The following C8orf34 variants were observed in gnomAD, a reference collection of about 807,000 sequenced individuals.
C8orf34 encodes the protein uncharacterized protein C8orf34.
In C8orf34, 65 loss-of-function variants were observed where a neutral mutation model predicts 68.3. The observed-to-expected ratio is 0.95, with a 90% CI of 0.78 to 1.17. The LOEUF (loss-of-function observed/expected upper bound fraction) is 1.17, where lower values mean the gene tolerates loss of function less well. Among genes scored for constraint, C8orf34 ranks in the 50% most tolerant of loss-of-function variants. C8orf34 has a pLI of 0.00. For synonymous variants in C8orf34, 244 were observed against 241.2 expected (o/e 1.01, Z -0.11); for missense variants, 664 against 655.4 (o/e 1.01, Z -0.14).
At chr8:68,525,953 T>C in intron 6 of C8orf34, 1 of 241,476 alleles carries the variant, frequency 4.1e-6, no homozygotes, top group Non-Finnish European at 7.7e-6. Flanking sequence ...AATTTCTTTC[T>C]TTCTTTTTTT....
intron 10 of C8orf34, among the ~76,000 whole-genome samples, chr8:68,772,412 C>G (rs576032067): frequency 2.0e-5 from 3 of 152,174 alleles, no homozygotes; most frequent in Non-Finnish European, 4.4e-5. Flanking sequence ...TCACTCTCTA[C>G]GATTTTCCAT....
chr8:68,560,977 A>ATTT (rs1197188539), intron 7 of C8orf34, among the ~76,000 whole-genome samples: 1 of 139,952 alleles, frequency 7.1e-6, no homozygotes, highest in Non-Finnish European at 1.6e-5. Flanking sequence ...TTTTAATTTA[A>ATTT]TTTTTTTTTT....
At chr8:68,350,713 G>T (rs1393500448) in intron 1 of C8orf34, among the ~76,000 whole-genome samples, 2 of 152,000 alleles carry the variant, frequency 1.3e-5, no homozygotes, top group East Asian at 1.9e-4. Context: ...TTTGATGTTT[G>T]TTGGTTTGAA....
intron 7 of C8orf34, among the ~76,000 whole-genome samples, chr8:68,627,965 G>A (rs1204154026): frequency 6.6e-6 from 1 of 152,120 alleles, no homozygotes; most frequent in African/African-American, 2.4e-5. Flanking sequence ...AACAAGAGAA[G>A]ACATGGAATA....
intron 7 of C8orf34, among the ~76,000 whole-genome samples, chr8:68,548,591 A>C (rs1563523277): frequency 6.6e-6 from 1 of 151,830 alleles, no homozygotes; most frequent in African/African-American, 2.4e-5. Context: ...GGAATGCAAA[A>C]TTTTACAATC....
intron 3 of C8orf34, among the ~76,000 whole-genome samples, chr8:68,461,142 A>T (rs1485958649): frequency 6.6e-6 from 1 of 152,256 alleles, no homozygotes; most frequent in Non-Finnish European, 1.5e-5. Context: ...TACGTGAAGA[A>T]TGCAGAAGCC....
At chr8:68,537,463 TC>T (rs199513551) in intron 7 of C8orf34, among the ~76,000 whole-genome samples, 1 of 145,808 alleles carries the variant, frequency 6.9e-6, no homozygotes, top group African/African-American at 2.7e-5. Flanking sequence ...CTTTTTATTT[TC>T]TTTTTTTTTT....
intron 7 of C8orf34, among the ~76,000 whole-genome samples, chr8:68,555,238 A>G (rs1314656144): frequency 6.6e-6 from 1 of 152,126 alleles, no homozygotes; most frequent in Non-Finnish European, 1.5e-5. Flanking sequence ...ACCTTGAGCC[A>G]ATTATTTTAG....
At chr8:68,549,473 G>A (rs1455736451) in intron 7 of C8orf34, among the ~76,000 whole-genome samples, 1 of 151,634 alleles carries the variant, frequency 6.6e-6, no homozygotes, top group African/African-American at 2.4e-5. Context: ...ACTTTCTATG[G>A]TGATGGAAAT....
intron 4 of C8orf34, among the ~76,000 whole-genome samples, chr8:68,473,027 CCTT>C (rs977764028): frequency 6.6e-6 from 1 of 152,150 alleles, no homozygotes; most frequent in Non-Finnish European, 1.5e-5. Context: ...CATTGGTTTT[CCTT>C]CTTCCTCCTT....
chr8:68,423,511 A>G (rs1810072870), intron 1 of C8orf34, among the ~76,000 whole-genome samples: 1 of 152,140 alleles, frequency 6.6e-6, no homozygotes, highest in African/African-American at 2.4e-5. Context: ...GGAAGTTCCA[A>G]ATTTTCCCAC....
chr8:68,362,712 A>G (rs553344152), intron 1 of C8orf34, among the ~76,000 whole-genome samples: 1 of 152,272 alleles, frequency 6.6e-6, no homozygotes, highest in African/African-American at 2.4e-5. Flanking sequence ...ACTAACAAAC[A>G]GAAAGGACAA....
rs191090703 is a variant in C8orf34, at chr8:68,770,684, G to A, written c.1405-5715G>A. ...GTGAAGGAAAGAGAAAAATAAAAAC[G>A]GCTTTATTTTTTTTCAGCTAATAGT... On this transcript the variant is annotated intron_variant, in intron 10 of 13. Coordinates refer to ENST00000518698, the MANE Select transcript of C8orf34 (RefSeq NM_052958.4). Among the ~76,000 whole-genome samples the A allele has an allele frequency of 1.6e-4, 25 of 152,180 alleles. No individual in the cohort carries two copies. In the East Asian group the frequency reaches 4.2e-3, roughly 26 times the overall value.
chr8:68,521,482 T>A (rs902389879), intron 5 of C8orf34, among the ~76,000 whole-genome samples: 4 of 152,164 alleles, frequency 2.6e-5, no homozygotes, highest in Non-Finnish European at 4.4e-5. Flanking sequence ...TCTGCCTATG[T>A]GGGCCGCCCT....
intron 11 of C8orf34, among the ~76,000 whole-genome samples, chr8:68,782,203 C>T (rs1823696859): frequency 6.6e-6 from 1 of 152,142 alleles, no homozygotes; most frequent in Admixed American, 6.5e-5. Context: ...GACTATGTCA[C>T]ATTTTTTAAA....
intron 7 of C8orf34, 28 bp downstream of exon 7, chr8:68,533,177 T>C (rs764528860): frequency 6.5e-7 from 1 of 1,550,072 alleles, no homozygotes; most frequent in South Asian, 1.2e-5. Context: ...TAATTTCTCA[T>C]TTTCTTCTTT....
chr8:68,360,652 G>T (rs1455592261), intron 1 of C8orf34, among the ~76,000 whole-genome samples: 1 of 151,838 alleles, frequency 6.6e-6, no homozygotes, highest in Non-Finnish European at 1.5e-5. Context: ...TGCCTTTAGT[G>T]TCAGCCAGAC....
chr8:68,358,573 AC>A (rs1238244986), intron 1 of C8orf34, among the ~76,000 whole-genome samples: 1 of 151,940 alleles, frequency 6.6e-6, no homozygotes, highest in Non-Finnish European at 1.5e-5. Flanking sequence ...AAGAGCCTCC[AC>A]TAAGAACAGG....
At chr8:68,791,972 T>C (rs1428095568) in intron 12 of C8orf34, 1 of 152,210 alleles carries the variant, frequency 6.6e-6, no homozygotes, top group Non-Finnish European at 1.5e-5. Context: ...GTACTTTGGT[T>C]ATTCGGTTCA....
Sources: gnomAD v4.1 joint callset for allele counts (sites outside exome capture counted in the v4.1 genomes callset) on GRCh38, gnomAD v4.1.1 for gene constraint, MANE v1.5 for transcripts, NCBI Gene and HGNC (gene_info 2026-07-23, HGNC 2026-07-21) for gene names.